The following RABGAP1L variants were observed in gnomAD, a reference collection of about 807,000 sequenced individuals.
The protein encoded by RABGAP1L is rab GTPase-activating protein 1-like.
RABGAP1L carries 63 observed loss-of-function variants against 137.7 expected under a neutral mutation model. The ratio of observed to expected loss-of-function variants is 0.46; its 90% CI spans 0.37 to 0.56. The LOEUF is 0.56. Ranked by LOEUF, RABGAP1L falls within the 20% of genes least tolerant of loss-of-function variation. The pLI is 0.00. For missense variants in RABGAP1L, 1,095 were observed against 1,244.0 expected (o/e 0.88, Z 1.80); for synonymous variants, 431 against 433.7 (o/e 0.99, Z 0.08).
At chr1:174,642,712 T>TTC (rs139747914) in intron 14 of RABGAP1L, among the ~76,000 whole-genome samples, 60 of 142,808 alleles carry the variant, frequency 4.2e-4, no homozygotes, top group Non-Finnish European at 6.9e-4. Context: ...TCTTTTCTTT[T>TTC]TCTCTCTCTC....
In RABGAP1L at chr1:174,358,578, C is replaced by CG. The variant is rs955495202; in HGVS notation, c.1466-12400dup. 6.8e-4 allele frequency among the ~76,000 whole-genome samples: 104 copies of CG among 152,288 alleles called. 1 individual carries two copies. The highest frequency in any genetic ancestry group is 2.3e-3 in the African/African-American group (95 of 41,562). ...CACATCTTTCTGAGAACACAGAGTA[C>CG]GTGACTGCTTCTTCACCCAGGATGG... On this transcript the variant is annotated intron_variant, in intron 11 of 25. Coordinates refer to ENST00000681986, the MANE Select transcript of RABGAP1L (RefSeq NM_001366446.1).
intron 4 of RABGAP1L, 91 bp from the exon 5 acceptor site, chr1:174,241,392 C>CT (rs958284768): frequency 9.0e-4 from 754 of 837,750 alleles, no homozygotes; most frequent in South Asian, 3.5e-3. Flanking sequence ...ACTATTTGTT[C>CT]TTTTTTTTTA....
chr1:174,170,961 A>G (rs892320550), intron 1 of RABGAP1L, among the ~76,000 whole-genome samples: 8 of 152,364 alleles, frequency 5.3e-5, no homozygotes, highest in Admixed American at 3.9e-4. Flanking sequence ...GTAATGCTAT[A>G]AAATAAGTTG....
intron 13 of RABGAP1L, among the ~76,000 whole-genome samples, chr1:174,458,103 A>G (rs1370584011): frequency 6.6e-6 from 1 of 152,144 alleles, no homozygotes; most frequent in African/African-American, 2.4e-5. Flanking sequence ...ACAAGGGGCT[A>G]TATGGACTTT....
chr1:174,387,053 G>A (rs1419966666), intron 12 of RABGAP1L, among the ~76,000 whole-genome samples: 1 of 151,930 alleles, frequency 6.6e-6, no homozygotes, highest in African/African-American at 2.4e-5. Flanking sequence ...AATTTATGAG[G>A]CATCATCTTA....
chr1:174,872,686 A>C (rs1437305935), intron 19 of RABGAP1L, among the ~76,000 whole-genome samples: 1 of 151,926 alleles, frequency 6.6e-6, no homozygotes, highest in Non-Finnish European at 1.5e-5. Context: ...GACTACAGGA[A>C]CTTGCTACCA....
At chr1:174,913,267 C>T (rs1161240218) in intron 19 of RABGAP1L, among the ~76,000 whole-genome samples, 4 of 152,102 alleles carry the variant, frequency 2.6e-5, no homozygotes, top group Admixed American at 1.3e-4. Flanking sequence ...TGAGCCACTG[C>T]GCCCGACCTC....
At chr1:174,321,347 C>A (rs1425820296) in intron 11 of RABGAP1L, among the ~76,000 whole-genome samples, 3 of 152,100 alleles carry the variant, frequency 2.0e-5, no homozygotes, top group Admixed American at 2.0e-4. Context: ...TTTTGTTCCC[C>A]TTGAAGCATG....
At position 174,315,230 on chromosome 1, in the gene RABGAP1L, T is replaced by C. The variant is rs535402392; in HGVS notation, c.1465+10103T>C. Among the ~76,000 whole-genome samples, 16 of 152,316 alleles carry C rather than the reference T, an allele frequency of 1.1e-4. No homozygotes were observed. In the South Asian group the frequency reaches 3.3e-3, roughly 32 times the overall value. ...TTTGCCGAATTGATCCCTTTATCAT[T>C]ATATGGTGACTTTCTTTGTCTCTCA... On this transcript the variant is annotated intron_variant, in intron 11 of 25. Coordinates refer to ENST00000681986, the MANE Select transcript of RABGAP1L (RefSeq NM_001366446.1).
At chr1:174,544,449 G>C (rs912281107) in intron 13 of RABGAP1L, among the ~76,000 whole-genome samples, 1 of 152,220 alleles carries the variant, frequency 6.6e-6, no homozygotes, top group Middle Eastern at 3.4e-3. Flanking sequence ...AGCTCCATCA[G>C]GTCATTTAAG....
At chr1:174,547,340 G>C (rs1666101008) in intron 13 of RABGAP1L, among the ~76,000 whole-genome samples, 1 of 152,112 alleles carries the variant, frequency 6.6e-6, no homozygotes, top group African/African-American at 2.4e-5. Flanking sequence ...AGTAAGCCTG[G>C]GTGCAGTGAC....
At chr1:174,671,312 GC>G (rs1484620488) in intron 14 of RABGAP1L, among the ~76,000 whole-genome samples, 1 of 152,130 alleles carries the variant, frequency 6.6e-6, no homozygotes, top group Non-Finnish European at 1.5e-5. Flanking sequence ...CAATTTGGAT[GC>G]CTTTTATTTC....
chr1:174,258,739 C>A (rs888480115), intron 7 of RABGAP1L, among the ~76,000 whole-genome samples: 1 of 151,966 alleles, frequency 6.6e-6, no homozygotes, highest in African/African-American at 2.4e-5. Flanking sequence ...TTTTTAAAAT[C>A]ATTATTTAAA....
At chr1:174,887,993 C>A (rs529583700) in intron 19 of RABGAP1L, among the ~76,000 whole-genome samples, 1 of 151,666 alleles carries the variant, frequency 6.6e-6, no homozygotes, top group African/African-American at 2.4e-5. Flanking sequence ...GCTGAGATCA[C>A]GCCACTGCAC....
chr1:174,701,743 CAA>C (rs34027614), intron 16 of RABGAP1L, among the ~76,000 whole-genome samples: 21 of 133,142 alleles, frequency 1.6e-4, no homozygotes, highest in African/African-American at 2.0e-4. Context: ...ACTCTTATCT[CAA>C]AAAAAAAAAA....
chr1:174,609,200 G>A (rs1670999186), intron 13 of RABGAP1L, among the ~76,000 whole-genome samples: 1 of 152,066 alleles, frequency 6.6e-6, no homozygotes, highest in South Asian at 2.1e-4. Context: ...AAAAGGCAAG[G>A]CCAGACAAAT....
At position 174,600,333 on chromosome 1, in the gene RABGAP1L, A is replaced by T. The variant is rs557117854; in HGVS notation, c.1711-37042A>T. ...ATCTTTCTGCCCCTGGCCCTTCCAA[A>T]TTTCATGTCCTCACATTTCAGTACC... On this transcript the variant is annotated intron_variant, in intron 13 of 25. Coordinates refer to ENST00000681986, the MANE Select transcript of RABGAP1L (RefSeq NM_001366446.1). 2.5e-3 allele frequency among the ~76,000 whole-genome samples: 382 copies of T among 152,124 alleles called. 1 individual carries two copies. Among genetic ancestry groups the T allele is most frequent in the Non-Finnish European group, 4.8e-3 (323 of 67,980 alleles).
At chr1:174,216,727 T>C (rs1190261111) in intron 1 of RABGAP1L, among the ~76,000 whole-genome samples, 1 of 152,200 alleles carries the variant, frequency 6.6e-6, no homozygotes, top group Non-Finnish European at 1.5e-5. Context: ...CCAGATATGC[T>C]GGCAATGATT....
chr1:174,343,447 T>TA (rs1396619895), intron 11 of RABGAP1L, among the ~76,000 whole-genome samples: 1 of 152,136 alleles, frequency 6.6e-6, no homozygotes, highest in Non-Finnish European at 1.5e-5. Context: ...CAACAGTAGA[T>TA]ATTATGTCTT....
Sources: allele counts gnomAD v4.1 joint callset (sites outside exome capture counted in the v4.1 genomes callset), GRCh38; gene constraint gnomAD v4.1.1; transcripts MANE v1.5; gene names NCBI Gene and HGNC (gene_info 2026-07-23, HGNC 2026-07-21).